DCUN1D5: variants seen among roughly 807,000 people sequenced by gnomAD.
DCUN1D5 encodes defective in cullin neddylation 1 domain containing 5, also known as DCN1-like protein 5.
In DCUN1D5, 10 loss-of-function variants were observed where a neutral mutation model predicts 38.3. The observed-to-expected ratio is 0.26, with a 90% CI of 0.16 to 0.44. The LOEUF (loss-of-function observed/expected upper bound fraction) is 0.44, where lower values mean the gene tolerates loss of function less well. Ranked by LOEUF, DCUN1D5 falls within the 20% of genes least tolerant of loss-of-function variation. DCUN1D5 has a pLI of 1.00. For missense variants in DCUN1D5, 148 were observed against 275.3 expected (o/e 0.54, Z 3.27); for synonymous variants, 93 against 90.9 (o/e 1.02, Z -0.13).
chr11:103,081,805 A>G (rs1392490221), intron 4 of DCUN1D5, among the ~76,000 whole-genome samples: 1 of 152,192 alleles, frequency 6.6e-6, no homozygotes, highest in Non-Finnish European at 1.5e-5. Context: ...TGTTAATGTC[A>G]GTTAAAAAAG....
rs1466609772 is a variant in DCUN1D5, at chr11:103,055,504, CCCT to C, written c.*6852_*6854del. ...TTTATTCCAAGAATAAAGTGACACTCCCTCCTCAATTTAATTTGCCATTTGTTT... is the reference window on the plus strand; with the variant it reads ...TTTATTCCAAGAATAAAGTGACACTCCCTCAATTTAATTTGCCATTTGTTT... On this transcript the variant is annotated 3_prime_UTR_variant, in exon 8 of 8. Transcript: ENST00000260247. The C allele has an allele frequency of 6.6e-6, 1 of 152,114 alleles. No individual in the cohort carries two copies. The allele number at this position is 152,114 out of a possible 1,614,324, so 9.4% of individuals were successfully genotyped here.
At chr11:103,072,260 A>C (rs3018970) in intron 4 of DCUN1D5, among the ~76,000 whole-genome samples, 48,200 of 150,692 alleles carry the variant, frequency 0.32, 8,541 homozygotes, top group African/African-American at 0.49. Flanking sequence ...AATAGGAATG[A>C]TTTTACACTG....
Position 103,055,235 on chromosome 11 carries a change from CAAAA to C in DCUN1D5, c.*7120_*7123del, listed in dbSNP as rs34916615. The C allele has an allele frequency of 6.6e-6, 1 of 152,070 alleles. No individual in the cohort carries two copies. Among genetic ancestry groups the C allele is most frequent in the Non-Finnish European group, 1.5e-5 (1 of 67,992 alleles). 9.4% of individuals were successfully genotyped at this position (152,070 alleles called of 1,614,324 possible). On this transcript the variant is annotated 3_prime_UTR_variant, in exon 8 of 8. Transcript: ENST00000260247. ...CCACTTGTGGCATCATGTCAACACT[CAAAA>C]AGTTTTGGATTTTGAAGCATTTTGA...
chr11:103,064,458 G>C lies in DCUN1D5; in HGVS notation c.556-81C>G. 1 of 1,102,736 alleles carries C rather than the reference G, an allele frequency of 9.1e-7. No homozygotes were observed. Among genetic ancestry groups the C allele is most frequent in the Non-Finnish European group, 1.2e-6 (1 of 805,950 alleles). 68.3% of individuals were successfully genotyped at this position (1,102,736 alleles called of 1,614,324 possible). Reference sequence around the variant, plus strand: ...CAATTTAGTAAACTAAGTTTTAACTGTTTTTGTGATTTGGTTTTTTCTAAA... The same window carrying C: ...CAATTTAGTAAACTAAGTTTTAACTCTTTTTGTGATTTGGTTTTTTCTAAA... On this transcript the variant is annotated intron_variant, in intron 6 of 7. Coordinates refer to ENST00000260247, the MANE Select transcript of DCUN1D5 (RefSeq NM_032299.4). The surrounding 1 kb of genome is among the most constrained non-coding windows in gnomAD (Gnocchi z 4.5).
chr11:103,087,593 T>C lies in DCUN1D5; in HGVS notation c.178+1634A>G, dbSNP rs958183540. On this transcript the variant is annotated intron_variant, in intron 2 of 7. Coordinates refer to ENST00000260247, the MANE Select transcript of DCUN1D5 (RefSeq NM_032299.4). This position sits in a 1 kb window ranked among gnomAD's most constrained non-coding sequence, Gnocchi z 4.1. ...TGAGCCCAGGAGCTCAAGGCTGCAG[T>C]GAGCCATGATCACAGCACTGCGCTC... is the stretch of plus-strand genomic sequence containing the variant. 2.6e-5 allele frequency among the ~76,000 whole-genome samples: 4 copies of C among 152,192 alleles called. No homozygotes were observed. The highest frequency in any genetic ancestry group is 9.6e-5 in the African/African-American group (4 of 41,462).
At chr11:103,068,150 T>C (rs1862179843) in intron 4 of DCUN1D5, among the ~76,000 whole-genome samples, 1 of 152,212 alleles carries the variant, frequency 6.6e-6, no homozygotes. Flanking sequence ...TAATTTGCAT[T>C]AGCATTATCT....
chr11:103,092,132 G>C lies in DCUN1D5; in HGVS notation c.-260C>G, dbSNP rs1361445766. ...TCACCGGGAGGAGATAACGCGGACA[G>C]CGCGGCAGCTCCACCAGTCACAGCA... On this transcript the variant is annotated 5_prime_UTR_variant, in exon 1 of 8. Transcript: ENST00000260247. The C allele has an allele frequency of 4.5e-6, 2 of 442,848 alleles. No homozygotes were observed. Among genetic ancestry groups the C allele is most frequent in the Non-Finnish European group, 8.1e-6 (2 of 247,888 alleles). 27.4% of individuals were successfully genotyped at this position (442,848 alleles called of 1,614,324 possible).
chr11:103,062,913 CAT>C lies in DCUN1D5; in HGVS notation c.659-501_659-500del, dbSNP rs1350748844. ...TAATGAGCTAAGTACTATTCTAAAA[CAT>C]ATATTTTTATAACGTAGGGGAGGTC... On this transcript the variant is annotated intron_variant, in intron 7 of 7. Transcript: ENST00000260247. This position sits in a 1 kb window ranked among gnomAD's most constrained non-coding sequence, Gnocchi z 4.6. Among the ~76,000 whole-genome samples, 3 of 152,038 alleles carry C rather than the reference CAT, an allele frequency of 2.0e-5. No individual in the cohort carries two copies. Among genetic ancestry groups the C allele is most frequent in the East Asian group, 3.8e-4 (2 of 5,198 alleles).
rs1015543393 is a variant in DCUN1D5, at chr11:103,053,428, C to T, written c.*8931G>A. On this transcript the variant is annotated 3_prime_UTR_variant, in exon 8 of 8. Transcript: ENST00000260247. The surrounding 1 kb of genome is among the most constrained non-coding windows in gnomAD (Gnocchi z 4.8). ...GACAGAAGAAATAAGACCTGGTGTT[C>T]GATATATCAGTAGGATGACTGATCT... The T allele has an allele frequency of 5.9e-5, 9 of 152,020 alleles. No homozygotes were observed. In the South Asian group the frequency reaches 1.2e-3, roughly 21 times the overall value. The allele number at this position is 152,020 out of a possible 1,614,324, so 9.4% of individuals were successfully genotyped here. A position where few individuals can be genotyped will look rare whatever the true frequency, so the allele number is the denominator to read the frequency against.
intron 4 of DCUN1D5, among the ~76,000 whole-genome samples, chr11:103,080,510 A>G (rs1450655031): frequency 1.3e-5 from 2 of 151,590 alleles, no homozygotes; most frequent in Non-Finnish European, 2.9e-5. Context: ...ATCATGAGGG[A>G]AAAAAATCAA....
rs913129241 is a variant in DCUN1D5, at chr11:103,062,224, A to C, written c.*135T>G. 3.6e-6 allele frequency: 3 copies of C among 831,300 alleles called. No individual in the cohort carries two copies. In the African/African-American group the frequency reaches 5.2e-5, roughly 14 times the overall value. 51.5% of individuals were successfully genotyped at this position (831,300 alleles called of 1,614,324 possible). On this transcript the variant is annotated 3_prime_UTR_variant, in exon 8 of 8. Transcript: ENST00000260247. This position sits in a 1 kb window ranked among gnomAD's most constrained non-coding sequence, Gnocchi z 4.6. ...TGTAACAAGAAAAACCTCCTTTAAAAAAAGGAAAAAAAAGTACTATGAGAA... is the reference window on the plus strand; with the variant it reads ...TGTAACAAGAAAAACCTCCTTTAAACAAAGGAAAAAAAAGTACTATGAGAA...
Position 103,056,559 on chromosome 11 carries a change from T to C in DCUN1D5, c.*5800A>G, listed in dbSNP as rs926946496. ...CCTTCCTCAACTTACTTTCCCCATA[T>C]AACCTTGTCACCAAATGATAAACTA... On this transcript the variant is annotated 3_prime_UTR_variant, in exon 8 of 8. Coordinates refer to ENST00000260247, the MANE Select transcript of DCUN1D5 (RefSeq NM_032299.4). This position sits in a 1 kb window ranked among gnomAD's most constrained non-coding sequence, Gnocchi z 4.9. Among the ~76,000 whole-genome samples, 4 of 152,146 alleles carry C rather than the reference T, an allele frequency of 2.6e-5. No individual in the cohort carries two copies. Among genetic ancestry groups the C allele is most frequent in the Non-Finnish European group, 5.9e-5 (4 of 68,010 alleles).
chr11:103,068,435 A>C (rs1307170120), intron 4 of DCUN1D5, among the ~76,000 whole-genome samples: 2 of 152,172 alleles, frequency 1.3e-5, no homozygotes, highest in Non-Finnish European at 2.9e-5. Context: ...CTAAATGCCC[A>C]CCAGTGATGG....
At chr11:103,069,097 C>G (rs1862207443) in intron 4 of DCUN1D5, among the ~76,000 whole-genome samples, 1 of 152,160 alleles carries the variant, frequency 6.6e-6, no homozygotes, top group Non-Finnish European at 1.5e-5. Flanking sequence ...ATGAACTTTT[C>G]ACACTCACTC....
At position 103,058,872 on chromosome 11, in the gene DCUN1D5, A is replaced by G. The variant is rs1861941278; in HGVS notation, c.*3487T>C. Reference sequence around the variant, plus strand: ...TCCTTAGAGGTAAGAATTCTTCTTTAGGAGTAAGACTTTTGGGTTTTTTTG... The same window carrying G: ...TCCTTAGAGGTAAGAATTCTTCTTTGGGAGTAAGACTTTTGGGTTTTTTTG... On this transcript the variant is annotated 3_prime_UTR_variant, in exon 8 of 8. Transcript: ENST00000260247. 6.6e-6 allele frequency among the ~76,000 whole-genome samples: 1 copy of G among 150,644 alleles called. No individual in the cohort carries two copies. Among genetic ancestry groups the G allele is most frequent in the African/African-American group, 2.5e-5 (1 of 40,536 alleles).
rs1224040664 is a variant in DCUN1D5 at position 103,054,307 on chromosome 11, A to G, written c.*8052T>C. The G allele has an allele frequency of 6.6e-6, 1 of 152,150 alleles. No individual in the cohort carries two copies. The highest frequency in any genetic ancestry group is 1.5e-5 in the Non-Finnish European group (1 of 68,008). The allele number at this position is 152,150 out of a possible 1,614,324, so 9.4% of individuals were successfully genotyped here. On this transcript the variant is annotated 3_prime_UTR_variant, in exon 8 of 8. Coordinates refer to ENST00000260247, the MANE Select transcript of DCUN1D5 (RefSeq NM_032299.4). Reference sequence around the variant, plus strand: ...TTAGAATTGTCTCCATAATCTTTAGACGTGTTAATAGGAAAAGCATCTCTC... The same window carrying G: ...TTAGAATTGTCTCCATAATCTTTAGGCGTGTTAATAGGAAAAGCATCTCTC...
Position 103,061,848 on chromosome 11 carries a change from T to C in DCUN1D5, c.*511A>G, listed in dbSNP as rs1164724937. Among the ~76,000 whole-genome samples the C allele has an allele frequency of 6.6e-6, 1 of 152,102 alleles. No homozygotes were observed. Among genetic ancestry groups the C allele is most frequent in the Non-Finnish European group, 1.5e-5 (1 of 67,980 alleles). On this transcript the variant is annotated 3_prime_UTR_variant, in exon 8 of 8. Transcript: ENST00000260247. ...GCATTTTTCCAATACCTAGAAATGT[T>C]TATTAGCTGCATCAGCAAATCATTA...
chr11:103,075,055 G>A (rs1359345156), intron 4 of DCUN1D5, among the ~76,000 whole-genome samples: 2 of 152,194 alleles, frequency 1.3e-5, no homozygotes, highest in Non-Finnish European at 2.9e-5. Flanking sequence ...CTGCAAGACA[G>A]AAGATGGAGG....
At position 103,087,271 on chromosome 11, in the gene DCUN1D5, C is replaced by T. The variant is rs981841964; in HGVS notation, c.178+1956G>A. ...CTGTGAGCTCCGCCTCCTGGGTTCA[C>T]GCCATTCTCCTGCCCCAGCCTCCCA... is the stretch of plus-strand genomic sequence containing the variant. On this transcript the variant is annotated intron_variant, in intron 2 of 7. Coordinates refer to ENST00000260247, the MANE Select transcript of DCUN1D5 (RefSeq NM_032299.4). This position sits in a 1 kb window ranked among gnomAD's most constrained non-coding sequence, Gnocchi z 4.1. 4.0e-5 allele frequency among the ~76,000 whole-genome samples: 6 copies of T among 151,472 alleles called. No individual in the cohort carries two copies. Among genetic ancestry groups the T allele is most frequent in the Non-Finnish European group, 7.4e-5 (5 of 67,880 alleles).
Sources: allele counts gnomAD v4.1 joint callset (sites outside exome capture counted in the v4.1 genomes callset), GRCh38; gene constraint gnomAD v4.1.1; non-coding constraint Gnocchi (gnomAD v3.1); transcripts MANE v1.5; gene names NCBI Gene and HGNC (gene_info 2026-07-23, HGNC 2026-07-21).